INTS4: variants seen among roughly 807,000 people sequenced by gnomAD.
INTS4 encodes the protein integrator complex subunit 4.
A neutral mutation model predicts 119.5 loss-of-function variants in INTS4; 70 were observed. That is an observed-to-expected ratio of 0.59 (90% CI 0.48 to 0.71). INTS4 has a LOEUF of 0.71. Ranked by LOEUF, INTS4 falls within the 30% of genes least tolerant of loss-of-function variation. The pLI, the probability that INTS4 is intolerant of heterozygous loss-of-function variation, is 0.00. For synonymous variants in INTS4, 316 were observed against 419.6 expected (o/e 0.75, Z 3.02); for missense variants, 867 against 1,173.2 (o/e 0.74, Z 3.81).
Position 77,963,306 on chromosome 11 carries a change from CATT to C in INTS4, c.472-2171_472-2169del, listed in dbSNP as rs373837061. 144 of 341,194 alleles carry C rather than the reference CATT, an allele frequency of 4.2e-4. No individual in the cohort carries two copies. In the East Asian group the frequency reaches 0.011, roughly 26 times the overall value. 21.1% of individuals were successfully genotyped at this position (341,194 alleles called of 1,614,324 possible). The stretch of plus-strand genomic sequence containing the variant: ...TCACTTCTTGCATCAAGGTCATCAT[CATT>C]AAGAACTGCTTTTCTGGCCGGGCGC... On this transcript the variant is annotated intron_variant, in intron 4 of 22. Coordinates refer to ENST00000534064, the MANE Select transcript of INTS4 (RefSeq NM_033547.4).
chr11:77,937,817 GTATTTATTTATTTATTTATT>G (rs4016025), intron 10 of INTS4, among the ~76,000 whole-genome samples: 1 of 146,508 alleles, frequency 6.8e-6, no homozygotes. Flanking sequence ...ATATCTTTCT[GTATTTATTTATTTATTTATT>G]TATTTATTTA....
chr11:77,886,686 T>C (rs1038319147), intron 21 of INTS4, among the ~76,000 whole-genome samples: 1 of 152,142 alleles, frequency 6.6e-6, no homozygotes, highest in Non-Finnish European at 1.5e-5. Context: ...GAAGACCCTG[T>C]TGAGCTTGAC....
At chr11:77,948,176 GAA>G (rs144433849) in intron 8 of INTS4, among the ~76,000 whole-genome samples, 1 of 151,998 alleles carries the variant, frequency 6.6e-6, no homozygotes, top group Non-Finnish European at 1.5e-5. Flanking sequence ...TAACTATGTA[GAA>G]AAAAGTTACA....
At chr11:77,970,965 G>A (rs1446223559) in intron 4 of INTS4, among the ~76,000 whole-genome samples, 3 of 151,854 alleles carry the variant, frequency 2.0e-5, no homozygotes, top group Admixed American at 6.6e-5. Flanking sequence ...CCACCACCAT[G>A]CCTGGCTAGT....
chr11:77,976,363 T>C (rs1334631286), intron 4 of INTS4, among the ~76,000 whole-genome samples: 1 of 152,134 alleles, frequency 6.6e-6, no homozygotes, highest in Non-Finnish European at 1.5e-5. Context: ...TCGTCTTTTT[T>C]TCAAAAAAAT....
chr11:77,918,184 C>T, intron 15 of INTS4: 1 of 689,472 alleles, frequency 1.5e-6, no homozygotes, highest in Non-Finnish European at 2.7e-6. Context: ...GTAATTCCAG[C>T]ACTTTGGGAG....
chr11:77,927,250 C>T (rs944380207), intron 11 of INTS4, among the ~76,000 whole-genome samples: 1 of 152,002 alleles, frequency 6.6e-6, no homozygotes, highest in African/African-American at 2.4e-5. Flanking sequence ...AAGAACCGCA[C>T]ATAGAATGTA....
chr11:77,991,255 T>C lies in INTS4; in HGVS notation c.99A>G (p.Pro33=). ...CTATGTGGAGTGCTGCAGATTTACT[T>C]GGTTTTGTTAGTCGGAGTTTCTTAG... ...IATKKLRLTK[P]SKSAALHIDL... Residue 33 remains proline, a synonymous_variant, in exon 2 of 23, where the codon CCA becomes CCG. Transcript: ENST00000534064. The C allele has an allele frequency of 5.6e-6, 9 of 1,613,992 alleles. No individual in the cohort carries two copies. Among genetic ancestry groups the C allele is most frequent in the Non-Finnish European group, 7.6e-6 (9 of 1,179,878 alleles).
Position 77,878,901 on chromosome 11 carries a change from C to T in INTS4, c.*48G>A. On this transcript the variant is annotated 3_prime_UTR_variant, in exon 23 of 23. Coordinates refer to ENST00000534064, the MANE Select transcript of INTS4 (RefSeq NM_033547.4). ...GTGCTTCAGGCTTGGCTCATTCTGACACCTAAGAAGGGCCCTCTAGGCCAC... is the reference window on the plus strand; with the variant it reads ...GTGCTTCAGGCTTGGCTCATTCTGATACCTAAGAAGGGCCCTCTAGGCCAC... The T allele has an allele frequency of 6.9e-7, 1 of 1,453,150 alleles. No homozygotes were observed. The highest frequency in any genetic ancestry group is 9.7e-7 in the Non-Finnish European group (1 of 1,034,702). The allele number at this position is 1,453,150 out of a possible 1,614,324, so 90.0% of individuals were successfully genotyped here. A position where few individuals can be genotyped will look rare whatever the true frequency, so the allele number is the denominator to read the frequency against.
intron 19 of INTS4, among the ~76,000 whole-genome samples, chr11:77,893,958 CAG>C (rs1225210741): frequency 6.7e-6 from 1 of 150,318 alleles, no homozygotes; most frequent in Non-Finnish European, 1.5e-5. Context: ...TTGAAAAAAA[CAG>C]ATGACTAATG....
chr11:77,955,503 T>C (rs1954296524), intron 8 of INTS4, among the ~76,000 whole-genome samples: 1 of 151,898 alleles, frequency 6.6e-6, no homozygotes, highest in Middle Eastern at 3.4e-3. Flanking sequence ...AGCCTTTTTT[T>C]TTTTTTTTTG....
At chr11:77,912,220 GGT>G (rs934391858) in intron 15 of INTS4, among the ~76,000 whole-genome samples, 2 of 152,122 alleles carry the variant, frequency 1.3e-5, no homozygotes, top group Non-Finnish European at 2.9e-5. Flanking sequence ...AAATTAGCCA[GGT>G]GTGGTGGAGT....
In INTS4 at chr11:77,938,804, G is replaced by C; in HGVS notation, c.1012C>G (p.Arg338Gly). 1 of 1,611,832 alleles carries C rather than the reference G, an allele frequency of 6.2e-7. No individual in the cohort carries two copies. The highest frequency in any genetic ancestry group is 8.5e-7 in the Non-Finnish European group (1 of 1,179,792). The part of the protein sequence containing the change: ...DLRRKRTAHE[R>G]AKELYSSGEF... ...CCCGAACTGTAAAGTTCCTTGGCACGCTCATGTGCAGTACGTTTCCTCTGC... is the reference window on the plus strand; with the variant it reads ...CCCGAACTGTAAAGTTCCTTGGCACCCTCATGTGCAGTACGTTTCCTCTGC... The change falls in exon 10 of 23, where the codon CGT becomes GGT. Residue 338 changes from arginine to glycine, a missense_variant. By Grantham distance (125) the Arg-to-Gly change is moderately radical. Transcript: ENST00000534064.
At chr11:77,959,674 A>G (rs1954417392) in intron 6 of INTS4, among the ~76,000 whole-genome samples, 1 of 152,130 alleles carries the variant, frequency 6.6e-6, no homozygotes, top group Admixed American at 6.5e-5. Flanking sequence ...ACTTCATTCA[A>G]TAGAGGAATA....
chr11:77,911,556 T>C (rs75363184), intron 15 of INTS4, among the ~76,000 whole-genome samples: 2 of 152,336 alleles, frequency 1.3e-5, no homozygotes, highest in South Asian at 2.1e-4. Flanking sequence ...TGTTCTGAAG[T>C]GCACAAAACA....
chr11:77,878,927 G>A lies in INTS4; in HGVS notation c.*22C>T, dbSNP rs199525892. 34 of 1,602,512 alleles carry A rather than the reference G, an allele frequency of 2.1e-5. No homozygotes were observed. The highest frequency in any genetic ancestry group is 1.1e-4 in the East Asian group (5 of 44,804). On this transcript the variant is annotated 3_prime_UTR_variant, in exon 23 of 23. Transcript: ENST00000534064. The stretch of plus-strand genomic sequence containing the variant: ...ACCTAAGAAGGGCCCTCTAGGCCAC[G>A]GTTGGGAAGACTGTTTTTGCCTTAG...
chr11:77,879,116 C>G lies in INTS4; in HGVS notation c.2725G>C (p.Val909Leu). 1 of 1,614,072 alleles carries G rather than the reference C, an allele frequency of 6.2e-7. No individual in the cohort carries two copies. The highest frequency in any genetic ancestry group is 8.5e-7 in the Non-Finnish European group (1 of 1,180,002). The change falls in exon 23 of 23, where the codon GTG becomes CTG. Residue 909 changes from valine to leucine, a missense_variant. By Grantham distance (32) the Val-to-Leu change is conservative. Around this residue, in one of 5 missense-constraint regions of INTS4, gnomAD observed 122 missense variants for 133.2 expected, o/e 0.92. Transcript: ENST00000534064. ...SHTAWTEACQ[V>L]EVRLLLAYNS... ...TAGGCCAGCAGCAGCCTCACTTCCA[C>G]CTGGCATGCCTCTGAAAAAAAGATA...
chr11:77,991,501 A>G (rs991493768), intron 1 of INTS4, among the ~76,000 whole-genome samples: 6 of 152,222 alleles, frequency 3.9e-5, no homozygotes, highest in Middle Eastern at 3.4e-3. Flanking sequence ...CTATGACTTT[A>G]GGCAAGTCAT....
At chr11:77,885,918 T>C (rs962458929) in intron 21 of INTS4, among the ~76,000 whole-genome samples, 4 of 152,136 alleles carry the variant, frequency 2.6e-5, no homozygotes, top group African/African-American at 9.7e-5. Context: ...ATTTCTGTGT[T>C]CAGCAGGTGC....
Sources: gnomAD v4.1 joint callset for allele counts (sites outside exome capture counted in the v4.1 genomes callset) on GRCh38, gnomAD v4.1.1 for gene constraint, gnomAD v4.1.1 regional missense constraint, MANE v1.5 for transcripts, NCBI Gene and HGNC (gene_info 2026-07-23, HGNC 2026-07-21) for gene names.